The following DIPK1A variants were observed in gnomAD, a reference collection of about 807,000 sequenced individuals.
DIPK1A encodes divergent protein kinase domain 1A.
DIPK1A carries 27 observed loss-of-function variants against 40.8 expected under a neutral mutation model. The ratio of observed to expected loss-of-function variants is 0.66; its 90% CI spans 0.49 to 0.91. The LOEUF (loss-of-function observed/expected upper bound fraction) is 0.91. Among genes scored for constraint, DIPK1A ranks in the 40% least tolerant of loss-of-function variants. The pLI is 0.00. For missense variants in DIPK1A, 412 were observed against 505.7 expected (o/e 0.81, Z 1.78); for synonymous variants, 166 against 171.3 (o/e 0.97, Z 0.24).
At chr1:92,911,197 G>T (rs1328591088) in intron 1 of DIPK1A, among the ~76,000 whole-genome samples, 1 of 152,194 alleles carries the variant, frequency 6.6e-6, no homozygotes, top group African/African-American at 2.4e-5. Context: ...GTATGAGGAA[G>T]TGAGTTTTGG....
intron 1 of DIPK1A, chr1:92,934,107 A>G (rs1650862911): frequency 6.6e-6 from 1 of 152,230 alleles, no homozygotes; most frequent in African/African-American, 2.4e-5. Flanking sequence ...TAAAGGTATG[A>G]AAGACTGAAA....
At chr1:92,888,589 G>A (rs147207249) in intron 1 of DIPK1A, among the ~76,000 whole-genome samples, 106 of 152,262 alleles carry the variant, frequency 7.0e-4, no homozygotes, top group African/African-American at 2.3e-3. Flanking sequence ...TTCATTTGCA[G>A]TGTTTTGAGG....
At chr1:92,909,343 TAA>T (rs1649742721) in intron 1 of DIPK1A, among the ~76,000 whole-genome samples, 1 of 152,092 alleles carries the variant, frequency 6.6e-6, no homozygotes, top group African/African-American at 2.4e-5. Context: ...GGCACAAAGA[TAA>T]AATAAAAGCT....
intron 1 of DIPK1A, among the ~76,000 whole-genome samples, chr1:92,901,580 T>C (rs906308864): frequency 1.3e-5 from 2 of 151,956 alleles, no homozygotes; most frequent in African/African-American, 4.8e-5. Context: ...GAGCAGGGTA[T>C]GGCTGCAACT....
chr1:92,926,611 A>T (rs948831609), intron 1 of DIPK1A, among the ~76,000 whole-genome samples: 1 of 152,242 alleles, frequency 6.6e-6, no homozygotes, highest in African/African-American at 2.4e-5. Context: ...AAGGGATATG[A>T]AAATCTCCAA....
chr1:92,930,143 T>C (rs1169896402), intron 1 of DIPK1A, among the ~76,000 whole-genome samples: 2 of 151,944 alleles, frequency 1.3e-5, no homozygotes, highest in East Asian at 3.8e-4. Context: ...CAGGTCCTTG[T>C]TGCTTTTGTA....
intron 1 of DIPK1A, among the ~76,000 whole-genome samples, chr1:92,942,788 C>A (rs1183539163): frequency 1.3e-5 from 2 of 152,112 alleles, no homozygotes; most frequent in South Asian, 4.1e-4. Context: ...CTCAGACTCC[C>A]GAGTAGCTGG....
At chr1:92,861,132 TA>T (rs1027356421) in intron 2 of DIPK1A, among the ~76,000 whole-genome samples, 2 of 152,166 alleles carry the variant, frequency 1.3e-5, no homozygotes, top group African/African-American at 4.8e-5. Flanking sequence ...GCTTTGATCC[TA>T]ATATCAGTGA....
chr1:92,861,002 G>A (rs1403617138), intron 2 of DIPK1A, among the ~76,000 whole-genome samples: 1 of 151,942 alleles, frequency 6.6e-6, no homozygotes, highest in Non-Finnish European at 1.5e-5. Flanking sequence ...AAACATCGGT[G>A]GATTCAGTTC....
chr1:92,941,612 A>C (rs1313646038), intron 1 of DIPK1A, among the ~76,000 whole-genome samples: 1 of 152,142 alleles, frequency 6.6e-6, no homozygotes. Flanking sequence ...AGGGCAATGG[A>C]CCTTTGTAAT....
At chr1:92,902,168 G>C (rs934227133) in intron 1 of DIPK1A, among the ~76,000 whole-genome samples, 2 of 152,164 alleles carry the variant, frequency 1.3e-5, no homozygotes, top group Non-Finnish European at 2.9e-5. Context: ...ATTGTTTTCT[G>C]GGATGCAGAG....
rs775952185 is a variant in DIPK1A, at chr1:92,834,858, T to C, written c.475-1824A>G. The stretch of plus-strand genomic sequence containing the variant: ...GAACTGCCAAAATATGGTGTGAAGG[T>C]TGGCCTGACAAATTATGCTGCAGCA... On this transcript the variant is annotated intron_variant, in intron 4 of 4. Coordinates refer to the DIPK1A transcript ENST00000615519. The C allele has an allele frequency of 2.1e-5, 33 of 1,607,102 alleles. No individual in the cohort carries two copies. Among genetic ancestry groups the C allele is most frequent in the African/African-American group, 2.7e-5 (2 of 74,944 alleles).
chr1:92,911,515 G>T (rs1263833526), intron 1 of DIPK1A, among the ~76,000 whole-genome samples: 1 of 152,094 alleles, frequency 6.6e-6, no homozygotes, highest in African/African-American at 2.4e-5. Flanking sequence ...TCCTTGCATG[G>T]TATTGTTAAA....
intron 3 of DIPK1A, among the ~76,000 whole-genome samples, chr1:92,847,890 T>C (rs1038382211): frequency 6.6e-6 from 1 of 152,114 alleles, no homozygotes; most frequent in Non-Finnish European, 1.5e-5. Flanking sequence ...CATGTACCAC[T>C]AAACCTGGCT....
At chr1:92,926,006 T>C (rs921343955) in intron 1 of DIPK1A, among the ~76,000 whole-genome samples, 1 of 152,212 alleles carries the variant, frequency 6.6e-6, no homozygotes, top group African/African-American at 2.4e-5. Flanking sequence ...TTCAATTTTT[T>C]TGATCTTTTG....
chr1:92,846,844 T>TATATATATATATATACACACACAC (rs1557449950), intron 4 of DIPK1A, among the ~76,000 whole-genome samples: 1 of 1,156 alleles, frequency 8.7e-4, no homozygotes, highest in African/African-American at 0.01. Flanking sequence ...TATATATATG[T>TATATATATATATATACACACACAC]GTGTATATAT....
chr1:92,845,019 A>T (rs1372300583), intron 4 of DIPK1A, among the ~76,000 whole-genome samples: 5 of 130,916 alleles, frequency 3.8e-5, no homozygotes, highest in African/African-American at 1.5e-4. Context: ...ATCTCAGCTC[A>T]CTGCAAGCTC....
intron 1 of DIPK1A, among the ~76,000 whole-genome samples, chr1:92,929,267 G>A (rs1650648934): frequency 6.6e-6 from 1 of 152,182 alleles, no homozygotes; most frequent in African/African-American, 2.4e-5. Flanking sequence ...CTCTGAAGAT[G>A]GATCTTTGTT....
intron 2 of DIPK1A, among the ~76,000 whole-genome samples, chr1:92,859,741 C>T (rs556762863): frequency 1.3e-5 from 2 of 152,310 alleles, no homozygotes; most frequent in East Asian, 3.9e-4. Flanking sequence ...CTCACTCTGT[C>T]GCCCAGGCTG....
Sources: allele counts gnomAD v4.1 joint callset (sites outside exome capture counted in the v4.1 genomes callset), GRCh38; gene constraint gnomAD v4.1.1; transcripts MANE v1.5; gene names NCBI Gene and HGNC (gene_info 2026-07-23, HGNC 2026-07-21).